KAT6B: variants seen among roughly 807,000 people sequenced by gnomAD.
KAT6B encodes lysine acetyltransferase 6B.
In KAT6B, 10 loss-of-function variants were observed where a neutral mutation model predicts 187.5. The observed-to-expected ratio is 0.05, with a 90% CI of 0.03 to 0.09. KAT6B has a LOEUF of 0.09. Ranked by LOEUF, KAT6B falls within the 10% of genes least tolerant of loss-of-function variation. The pLI is 1.00. For missense variants in KAT6B, 1,952 were observed against 2,558.9 expected (o/e 0.76, Z 5.12); for synonymous variants, 861 against 926.8 (o/e 0.93, Z 1.29).
chr10:74,882,987 A>G (rs553956752), intron 3 of KAT6B, among the ~76,000 whole-genome samples: 14 of 152,276 alleles, frequency 9.2e-5, no homozygotes, highest in African/African-American at 2.9e-4. Context: ...GAATAATAGT[A>G]TATATATATG....
chr10:74,827,704 G>C (rs1838770268), intron 1 of KAT6B, among the ~76,000 whole-genome samples: 1 of 152,154 alleles, frequency 6.6e-6, no homozygotes, highest in African/African-American at 2.4e-5. Flanking sequence ...CAGGTGTGAA[G>C]AAAGTGGGTG....
At position 75,021,105 on chromosome 10, in the gene KAT6B, T is replaced by G. The variant is rs775247120; in HGVS notation, c.2862-21T>G. The G allele has an allele frequency of 3.1e-6, 5 of 1,611,562 alleles. No homozygotes were observed. In the South Asian group the frequency reaches 5.5e-5, roughly 18 times the overall value. ...AATTTCAGCTTGTGATTACATCTTGTTCTGCCTTATCACATTACAGATTTG... is the reference window on the plus strand; with the variant it reads ...AATTTCAGCTTGTGATTACATCTTGGTCTGCCTTATCACATTACAGATTTG... On this transcript the variant is annotated intron_variant, in intron 14 of 17. Coordinates refer to ENST00000287239, the MANE Select transcript of KAT6B (RefSeq NM_012330.4).
In KAT6B at chr10:74,947,189, G is replaced by T. The variant is rs542297280; in HGVS notation, c.622-12781G>T. 1.4e-4 allele frequency among the ~76,000 whole-genome samples: 21 copies of T among 152,252 alleles called. No homozygotes were observed. In the South Asian group the frequency reaches 3.1e-3, roughly 23 times the overall value. On this transcript the variant is annotated intron_variant, in intron 3 of 17. Coordinates refer to ENST00000287239, the MANE Select transcript of KAT6B (RefSeq NM_012330.4). ...TTTTTGTATTTTTAATAGAGATGGG[G>T]TTTTGCCATGTTGGCCAGGCTGGTC...
intron 3 of KAT6B, among the ~76,000 whole-genome samples, chr10:74,855,330 C>T (rs781313417): frequency 1.3e-5 from 2 of 152,288 alleles, no homozygotes; most frequent in Non-Finnish European, 2.9e-5. Context: ...ATGTGACCAG[C>T]CCTGCTTTTT....
At chr10:74,842,319 G>T (rs992019307) in intron 2 of KAT6B, among the ~76,000 whole-genome samples, 1 of 151,978 alleles carries the variant, frequency 6.6e-6, no homozygotes, top group African/African-American at 2.4e-5. Context: ...ATATAATTTT[G>T]TTAATTTCAA....
intron 1 of KAT6B, among the ~76,000 whole-genome samples, chr10:74,830,494 A>G (rs1840670965): frequency 1.3e-5 from 2 of 151,796 alleles, no homozygotes; most frequent in South Asian, 4.1e-4. Context: ...AGTTTTCAAA[A>G]GTATCTAGGG....
chr10:74,966,998 C>T (rs1350313682), intron 4 of KAT6B, among the ~76,000 whole-genome samples: 1 of 152,090 alleles, frequency 6.6e-6, no homozygotes, highest in Non-Finnish European at 1.5e-5. Context: ...CCACCGCACT[C>T]CAGCCTGGGC....
chr10:74,957,945 C>G (rs369498925), intron 3 of KAT6B, among the ~76,000 whole-genome samples: 3 of 152,184 alleles, frequency 2.0e-5, no homozygotes, highest in East Asian at 3.8e-4. Flanking sequence ...TTTTCTAGTA[C>G]AGAATGTTTT....
rs1344222904 is a variant in KAT6B at position 74,842,781 on chromosome 10, T to G, written c.-77T>G. 1 of 1,506,048 alleles carries G rather than the reference T, an allele frequency of 6.6e-7. No homozygotes were observed. Among genetic ancestry groups the G allele is most frequent in the African/African-American group, 1.4e-5 (1 of 72,930 alleles). 93.3% of individuals were successfully genotyped at this position (1,506,048 alleles called of 1,614,324 possible). On this transcript the variant is annotated 5_prime_UTR_variant, in exon 3 of 18. Transcript: ENST00000287239. ...CCATTTGTTGAATTGTAAATGACTT[T>G]CAAATGTGCAAGTTCTGTTAAATAC...
chr10:74,858,487 G>C (rs1044848824), intron 3 of KAT6B, among the ~76,000 whole-genome samples: 1 of 151,804 alleles, frequency 6.6e-6, no homozygotes, highest in Non-Finnish European at 1.5e-5. Context: ...CATTTTGCCC[G>C]GGCTGGTCTC....
At chr10:74,860,874 ACACCTGTAATCCT>A (rs1274663930) in intron 3 of KAT6B, among the ~76,000 whole-genome samples, 1 of 152,186 alleles carries the variant, frequency 6.6e-6, no homozygotes, top group Non-Finnish European at 1.5e-5. Context: ...GCAGTGGCTC[ACACCTGTAATCCT>A]AGCACTTTGG....
chr10:75,010,229 G>A (rs183448660), intron 13 of KAT6B, among the ~76,000 whole-genome samples: 44 of 152,260 alleles, frequency 2.9e-4, no homozygotes, highest in African/African-American at 8.2e-4. Flanking sequence ...AAAAATAAGC[G>A]AAAAGAAAAG....
chr10:74,921,677 C>G lies in KAT6B; in HGVS notation c.622-38293C>G, dbSNP rs763732176. ...CTTGCTTGTGTGGCTACCTCCCAAG[C>G]TAGGACTGCAAGACCCTTATCACTC... On this transcript the variant is annotated intron_variant, in intron 3 of 17. Coordinates refer to ENST00000287239, the MANE Select transcript of KAT6B (RefSeq NM_012330.4). Among the ~76,000 whole-genome samples the G allele has an allele frequency of 1.2e-4, 18 of 152,218 alleles. 1 individual carries two copies. Among genetic ancestry groups the G allele is most frequent in the Admixed American group, 3.3e-4 (5 of 15,282 alleles).
intron 3 of KAT6B, among the ~76,000 whole-genome samples, chr10:74,951,701 T>C (rs1326549694): frequency 6.6e-6 from 1 of 152,206 alleles, no homozygotes; most frequent in Non-Finnish European, 1.5e-5. Flanking sequence ...ATAGCAAACA[T>C]AAATGTCGTT....
chr10:74,855,843 ATG>A (rs147109837), intron 3 of KAT6B, among the ~76,000 whole-genome samples: 2,684 of 152,214 alleles, frequency 0.018, 68 homozygotes, highest in African/African-American at 0.061. Flanking sequence ...CTCTTCCTAT[ATG>A]TGTGTATATG....
At chr10:74,848,618 A>T (rs551346402) in intron 3 of KAT6B, among the ~76,000 whole-genome samples, 80 of 152,030 alleles carry the variant, frequency 5.3e-4, no homozygotes, top group African/African-American at 1.9e-3. Context: ...GGCCCTAGAC[A>T]ATTCTTCTTC....
intron 9 of KAT6B, 141 bp downstream of exon 9, chr10:74,977,578 C>A: frequency 9.3e-7 from 1 of 1,071,754 alleles, no homozygotes; most frequent in Non-Finnish European, 1.4e-6. Flanking sequence ...CCCATTTCTA[C>A]TGACTGTACA....
At chr10:75,017,129 C>G (rs1384293174) in intron 13 of KAT6B, among the ~76,000 whole-genome samples, 1 of 152,078 alleles carries the variant, frequency 6.6e-6, no homozygotes, top group African/African-American at 2.4e-5. Flanking sequence ...TCCCAAAGTG[C>G]TGGGATTACA....
chr10:74,903,849 G>A (rs1262500719), intron 3 of KAT6B, among the ~76,000 whole-genome samples: 2 of 152,216 alleles, frequency 1.3e-5, no homozygotes, highest in African/African-American at 4.8e-5. Flanking sequence ...GGGTGGAGCT[G>A]TCTCTCAGGG....
Sources: gnomAD v4.1 joint callset for allele counts (sites outside exome capture counted in the v4.1 genomes callset) on GRCh38, gnomAD v4.1.1 for gene constraint, MANE v1.5 for transcripts, NCBI Gene and HGNC (gene_info 2026-07-23, HGNC 2026-07-21) for gene names.